CTNNA3: variants seen among roughly 807,000 people sequenced by gnomAD.
The protein encoded by CTNNA3 is catenin alpha-3.
Under a neutral mutation model 95.7 loss-of-function variants are expected in CTNNA3, and 76 were observed. That is an observed-to-expected ratio of 0.79 (90% CI 0.66 to 0.96). The LOEUF is 0.96. CTNNA3 is among the 40% of genes least tolerant of loss of function. The pLI is 0.00. For missense variants in CTNNA3, 1,191 were observed against 1,089.8 expected (o/e 1.09, Z -1.31); for synonymous variants, 431 against 374.4 (o/e 1.15, Z -1.74).
At chr10:67,325,221 TC>T (rs572173417) in intron 5 of CTNNA3, among the ~76,000 whole-genome samples, 25 of 152,246 alleles carry the variant, frequency 1.6e-4, no homozygotes, top group African/African-American at 6.0e-4. Flanking sequence ...CTTTCTCGTG[TC>T]TCAATCTCCT....
intron 5 of CTNNA3, among the ~76,000 whole-genome samples, chr10:67,325,654 T>C (rs1237130097): frequency 2.0e-5 from 3 of 152,208 alleles, no homozygotes; most frequent in Non-Finnish European, 4.4e-5. Context: ...CTTCTGATTA[T>C]GTGATCAATT....
intron 9 of CTNNA3, among the ~76,000 whole-genome samples, chr10:66,753,937 T>C (rs1839266317): frequency 6.6e-6 from 1 of 152,078 alleles, no homozygotes; most frequent in Admixed American, 6.6e-5. Flanking sequence ...AGACATAATA[T>C]TGTTAAGATG....
At chr10:66,911,875 A>G (rs1805401369) in intron 7 of CTNNA3, among the ~76,000 whole-genome samples, 1 of 152,220 alleles carries the variant, frequency 6.6e-6, no homozygotes, top group Non-Finnish European at 1.5e-5. Context: ...AAAGCCTAAG[A>G]ATCAGGACTA....
intron 7 of CTNNA3, among the ~76,000 whole-genome samples, chr10:66,843,777 AT>A (rs1206661421): frequency 1.3e-5 from 2 of 152,094 alleles, no homozygotes; most frequent in Non-Finnish European, 2.9e-5. Context: ...TCTTCAGGCA[AT>A]TTTTTTCATT....
At chr10:67,078,868 G>A (rs1398318873) in intron 7 of CTNNA3, among the ~76,000 whole-genome samples, 2 of 152,118 alleles carry the variant, frequency 1.3e-5, no homozygotes, top group African/African-American at 4.8e-5. Context: ...AAGGTTAGCA[G>A]GACACTTGTA....
chr10:67,648,687 A>T, intron 1 of CTNNA3: 1 of 1,197,346 alleles, frequency 8.4e-7, no homozygotes, highest in Non-Finnish European at 1.1e-6. Context: ...TGTTATTGGC[A>T]TATGATACAT....
chr10:65,927,292 C>T (rs1028869679), intron 17 of CTNNA3, among the ~76,000 whole-genome samples: 2 of 152,098 alleles, frequency 1.3e-5, no homozygotes, highest in Non-Finnish European at 2.9e-5. Context: ...AAAGAATAAG[C>T]TCTGAATGAT....
At chr10:66,976,671 A>G (rs1402375914) in intron 7 of CTNNA3, among the ~76,000 whole-genome samples, 3 of 152,136 alleles carry the variant, frequency 2.0e-5, no homozygotes, top group African/African-American at 7.2e-5. Flanking sequence ...TATTTTCATG[A>G]CTTTTCTGCC....
At chr10:66,443,799 C>G (rs1450385724) in intron 11 of CTNNA3, among the ~76,000 whole-genome samples, 3 of 152,144 alleles carry the variant, frequency 2.0e-5, no homozygotes, top group Non-Finnish European at 4.4e-5. Context: ...AGCTCCTCAC[C>G]AGCAACGGAA....
chr10:67,087,990 G>T (rs1238437379), intron 7 of CTNNA3, among the ~76,000 whole-genome samples: 3 of 151,888 alleles, frequency 2.0e-5, no homozygotes, highest in Non-Finnish European at 4.4e-5. Context: ...TGAGATAAAA[G>T]ATCTGTGCAA....
At chr10:66,120,708 A>C (rs1415352535) in intron 13 of CTNNA3, among the ~76,000 whole-genome samples, 1 of 152,198 alleles carries the variant, frequency 6.6e-6, no homozygotes, top group African/African-American at 2.4e-5. Flanking sequence ...GTTTTGTTAG[A>C]TAATTGAAAA....
intron 3 of CTNNA3, among the ~76,000 whole-genome samples, chr10:67,563,970 G>T (rs1253904168): frequency 4.0e-5 from 6 of 148,742 alleles, no homozygotes; most frequent in African/African-American, 1.5e-4. Context: ...TTAGAATGGC[G>T]ATCATTAAAA....
intron 1 of CTNNA3, among the ~76,000 whole-genome samples, chr10:67,708,422 C>G (rs1176849350): frequency 6.6e-6 from 1 of 152,094 alleles, no homozygotes; most frequent in African/African-American, 2.4e-5. Flanking sequence ...GTTCTAAAAA[C>G]AACTTGCTTC....
At chr10:67,101,845 A>G (rs2131946221) in intron 7 of CTNNA3, among the ~76,000 whole-genome samples, 1 of 151,958 alleles carries the variant, frequency 6.6e-6, no homozygotes, top group Admixed American at 6.6e-5. Context: ...CATCTCTCAA[A>G]CTAAACACTC....
intron 11 of CTNNA3, among the ~76,000 whole-genome samples, chr10:66,513,700 C>T (rs1009407915): frequency 1.3e-5 from 2 of 152,166 alleles, no homozygotes; most frequent in Non-Finnish European, 2.9e-5. Context: ...GGTCCTCAGG[C>T]CCCTGGGCAT....
intron 7 of CTNNA3, among the ~76,000 whole-genome samples, chr10:67,037,917 A>C (rs116527792): frequency 0.012 from 1,834 of 152,242 alleles, 47 homozygotes; most frequent in African/African-American, 0.042. Flanking sequence ...CAGGACAGAA[A>C]CCCAGGAATA....
At chr10:66,382,673 CTCCCA>C (rs1319575544) in intron 11 of CTNNA3, among the ~76,000 whole-genome samples, 1 of 152,172 alleles carries the variant, frequency 6.6e-6, no homozygotes, top group Non-Finnish European at 1.5e-5. Flanking sequence ...TGGGAGACAC[CTCCCA>C]GTAGAGGCCA....
chr10:67,388,514 A>C (rs1844298295), intron 5 of CTNNA3, among the ~76,000 whole-genome samples: 1 of 136,236 alleles, frequency 7.3e-6, no homozygotes, highest in South Asian at 2.7e-4. Flanking sequence ...GAACTTCCCC[A>C]ATCTAGCAAG....
intron 7 of CTNNA3, among the ~76,000 whole-genome samples, chr10:66,814,720 C>T (rs964860097): frequency 6.6e-5 from 10 of 151,958 alleles, no homozygotes; most frequent in Admixed American, 1.3e-4. Context: ...GCTGAGATCG[C>T]ACCACTGTAC....
Sources: gnomAD v4.1 joint callset for allele counts (sites outside exome capture counted in the v4.1 genomes callset) on GRCh38, gnomAD v4.1.1 for gene constraint, MANE v1.5 for transcripts, NCBI Gene and HGNC (gene_info 2026-07-23, HGNC 2026-07-21) for gene names.